The following DCHS2 variants were observed in gnomAD, a reference collection of about 807,000 sequenced individuals.
DCHS2 encodes the protein protocadherin-23.
DCHS2 carries 142 observed loss-of-function variants against 182.4 expected under a neutral mutation model. The ratio of observed to expected loss-of-function variants is 0.78; its 90% confidence interval spans 0.68 to 0.89. DCHS2 has a LOEUF of 0.89. Ranked by LOEUF, DCHS2 falls within the 40% of genes least tolerant of loss-of-function variation. The probability of loss-of-function intolerance (pLI) is 0.00; values close to 1 mark genes in which losing one functional copy is unlikely to be tolerated. For missense variants in DCHS2, 4,319 were observed against 4,198.6 expected, an observed-to-expected ratio of 1.03 and a Z score of -0.79; for synonymous variants, 1,740 against 1,663.3, an observed-to-expected ratio of 1.05 and a Z score of -1.12.
At chr4:154,452,800 G>A (rs1357721172) in intron 1 of DCHS2, among the ~76,000 whole-genome samples, 1 of 152,168 alleles carries the variant, frequency 6.6e-6, no homozygotes, top group African/African-American at 2.4e-5. Context: ...AAAACAAGCA[G>A]TATTTGTTAC....
At chr4:154,429,217 T>G (rs1235921610) in intron 1 of DCHS2, among the ~76,000 whole-genome samples, 5 of 152,224 alleles carry the variant, frequency 3.3e-5, no homozygotes, top group African/African-American at 1.2e-4. Flanking sequence ...GGGCCACTTT[T>G]GGTAGACAGA....
chr4:154,378,447 G>A (rs1010129453), intron 1 of DCHS2, among the ~76,000 whole-genome samples: 2 of 138,918 alleles, frequency 1.4e-5, no homozygotes, highest in African/African-American at 5.3e-5. Flanking sequence ...AAGAGGAGGA[G>A]GGAAGGAAGG....
At position 154,332,757 on chromosome 4, in the gene DCHS2, C is replaced by A. The variant is rs756176093; in HGVS notation, c.3451G>T (p.Glu1151Ter). The part of the protein sequence containing the change: ...WIYLRRQFDY[E>*]STQTYNFRVF... ...CTAAAATTATATGTTTGGGTGGATT[C>A]ATAGTCAAACTGTCGCCGCAAATAA... is the stretch of plus-strand genomic sequence containing the variant. The change falls in exon 5 of 20, where the codon GAA becomes TAA. Residue 1151 changes from glutamate (E) to a stop codon, truncating the protein, a stop_gained. Transcript: ENST00000357232. LOFTEE classifies it high-confidence loss of function. The A allele has an allele frequency of 1.2e-6, 2 of 1,614,192 alleles. No homozygotes were observed. Among genetic ancestry groups the A allele is most frequent in the Non-Finnish European group, 1.7e-6 (2 of 1,180,036 alleles).
In DCHS2 at chr4:154,489,964, G is replaced by A. The variant is rs1234227162; in HGVS notation, c.1392C>T (p.Asp464=). The change falls in exon 1 of 20, where the codon GAC becomes GAT. Residue 464 remains aspartate, a synonymous_variant. Coordinates refer to ENST00000357232, the MANE Select transcript of DCHS2 (RefSeq NM_001358235.2). ...ATGELGVGLG[D]GSISLSLEGG... ...CTTCCAAGGACAGAGAGATGCTCCC[G>A]TCTCCAAGACCCACACCAAGCTCCC... 6.5e-7 allele frequency: 1 copy of A among 1,544,760 alleles called. No individual in the cohort carries two copies. The highest frequency in any genetic ancestry group is 2.5e-5 in the East Asian group (1 of 40,708).
At chr4:154,430,234 T>C (rs1057286787) in intron 1 of DCHS2, among the ~76,000 whole-genome samples, 1 of 152,188 alleles carries the variant, frequency 6.6e-6, no homozygotes, top group Non-Finnish European at 1.5e-5. Flanking sequence ...CATAAAATGC[T>C]CTTTTTTCAA....
chr4:154,327,829 A>G (rs1021302526), intron 7 of DCHS2, among the ~76,000 whole-genome samples: 5 of 152,182 alleles, frequency 3.3e-5, no homozygotes, highest in Non-Finnish European at 7.4e-5. Flanking sequence ...CATTATTGCA[A>G]ATTACTCACT....
chr4:154,391,055 T>A (rs2110847940), intron 1 of DCHS2: 3 of 897,782 alleles, frequency 3.3e-6, no homozygotes, highest in Non-Finnish European at 4.9e-6. Flanking sequence ...AGGCTTTATT[T>A]CCCTGAAGCT....
At chr4:154,247,352 C>T (rs1732121550) in intron 16 of DCHS2, among the ~76,000 whole-genome samples, 1 of 151,756 alleles carries the variant, frequency 6.6e-6, no homozygotes. Context: ...GTAGCGGGCG[C>T]CTGTAGTCCC....
chr4:154,236,750 G>T lies in DCHS2; in HGVS notation c.7902C>A (p.Val2634=). 6.2e-7 allele frequency: 1 copy of T among 1,614,000 alleles called. No homozygotes were observed. Among genetic ancestry groups the T allele is most frequent in the Non-Finnish European group, 8.5e-7 (1 of 1,179,960 alleles). ...GGCAGCCACTGTCAGATGCCAGAAT[G>T]ACAAGCTCATGGCTAGCACTTGCTT... The part of the protein sequence containing the change: ...DREASASHEL[V]ILASDSGCPP... Residue 2634 remains valine (V), a synonymous_variant, in exon 20 of 20, where the codon GTC becomes GTA. Coordinates refer to ENST00000357232, the MANE Select transcript of DCHS2 (RefSeq NM_001358235.2).
At chr4:154,442,065 T>A (rs1226043079) in intron 1 of DCHS2, among the ~76,000 whole-genome samples, 1 of 152,102 alleles carries the variant, frequency 6.6e-6, no homozygotes, top group Non-Finnish European at 1.5e-5. Context: ...ACTCCAAACA[T>A]CATTATATCA....
rs1731451081 is a variant in DCHS2 at position 154,235,788 on chromosome 4, T to C, written c.8864A>G (p.Glu2955Gly). Reference sequence around the variant, plus strand: ...GGGACTATGAGCGATTATTTTCATTTCCAAGGTGTCTTCTTTGTTGAGTTG... The same window carrying C: ...GGGACTATGAGCGATTATTTTCATTCCCAAGGTGTCTTCTTTGTTGAGTTG... ...KSQLNKEDTL[E>G]MKIIAHSPKS... Residue 2955 changes from glutamate to glycine, a missense_variant, in exon 20 of 20, where the codon GAA becomes GGA. Physicochemically the swap from Glu to Gly is moderately conservative, Grantham distance 98 (BLOSUM62 -2). Coordinates refer to ENST00000357232, the MANE Select transcript of DCHS2 (RefSeq NM_001358235.2). 1.2e-6 allele frequency: 2 copies of C among 1,613,868 alleles called. No individual in the cohort carries two copies. The highest frequency in any genetic ancestry group is 1.7e-6 in the Non-Finnish European group (2 of 1,179,960).
chr4:154,266,126 A>T (rs915762714), intron 14 of DCHS2, among the ~76,000 whole-genome samples: 1 of 152,196 alleles, frequency 6.6e-6, no homozygotes, highest in Admixed American at 6.5e-5. Context: ...AAATGCCCAC[A>T]TGATAAGGTA....
At chr4:154,242,501 T>C in intron 17 of DCHS2, 141 bp downstream of exon 17, 1 of 1,275,642 alleles carries the variant, frequency 7.8e-7, no homozygotes, top group Non-Finnish European at 1.0e-6. Flanking sequence ...TTTTTTGTTC[T>C]GCAAAATGAA....
chr4:154,426,880 C>G (rs1411866746), intron 1 of DCHS2, among the ~76,000 whole-genome samples: 1 of 151,844 alleles, frequency 6.6e-6, no homozygotes, highest in African/African-American at 2.4e-5. Flanking sequence ...CCCCATTTAC[C>G]CTGATGTGAT....
At chr4:154,442,546 C>G (rs1427707004) in intron 1 of DCHS2, among the ~76,000 whole-genome samples, 1 of 91,514 alleles carries the variant, frequency 1.1e-5, no homozygotes, top group African/African-American at 3.5e-5. Flanking sequence ...CCCCCCCACA[C>G]ACACACACAC....
At chr4:154,422,841 C>A (rs541287487) in intron 1 of DCHS2, among the ~76,000 whole-genome samples, 2 of 152,246 alleles carry the variant, frequency 1.3e-5, no homozygotes, top group East Asian at 1.9e-4. Context: ...GGCCCCACTA[C>A]GCTTGTCCAG....
At chr4:154,343,185 C>T (rs1729191096) in intron 3 of DCHS2, among the ~76,000 whole-genome samples, 1 of 152,148 alleles carries the variant, frequency 6.6e-6, no homozygotes, top group East Asian at 1.9e-4. Context: ...AAACAGATAA[C>T]ATCTGTTTGT....
intron 1 of DCHS2, chr4:154,391,182 G>T: frequency 6.2e-7 from 1 of 1,611,998 alleles, no homozygotes; most frequent in Non-Finnish European, 8.5e-7. Flanking sequence ...TTTCACAATG[G>T]AATTTATTTT....
At chr4:154,419,061 G>C (rs1318936389) in intron 1 of DCHS2, among the ~76,000 whole-genome samples, 1 of 151,244 alleles carries the variant, frequency 6.6e-6, no homozygotes. Context: ...GAATGTAATA[G>C]CTACAAAAAT....
Sources: allele counts gnomAD v4.1 joint callset (sites outside exome capture counted in the v4.1 genomes callset), GRCh38; gene constraint gnomAD v4.1.1; transcripts MANE v1.5; gene names NCBI Gene and HGNC (gene_info 2026-07-23, HGNC 2026-07-21).